MCTP1: variants seen among roughly 807,000 people sequenced by gnomAD.
MCTP1 encodes multiple C2 and transmembrane domain-containing protein 1.
In MCTP1, 69 loss-of-function variants were observed where a neutral mutation model predicts 120.6. The observed-to-expected ratio is 0.57, with a 90% CI of 0.47 to 0.70. The LOEUF is 0.70. MCTP1 is among the 30% of genes least tolerant of loss of function. The probability of loss-of-function intolerance (pLI) is 0.00; values close to 1 mark genes in which losing one functional copy is unlikely to be tolerated. For synonymous variants in MCTP1, 529 were observed against 493.1 expected (o/e 1.07, Z -0.96); for missense variants, 1,203 against 1,248.8 (o/e 0.96, Z 0.55).
chr5:94,878,817 A>T (rs1799455773), intron 12 of MCTP1, among the ~76,000 whole-genome samples: 1 of 151,672 alleles, frequency 6.6e-6, no homozygotes, highest in Non-Finnish European at 1.5e-5. Context: ...TGTATGTTAG[A>T]GAGTGCTACG....
At chr5:95,184,470 G>A (rs897276190) in intron 1 of MCTP1, among the ~76,000 whole-genome samples, 5 of 152,060 alleles carry the variant, frequency 3.3e-5, no homozygotes, top group African/African-American at 9.7e-5. Flanking sequence ...AGACCTAACC[G>A]ACTCCATCTT....
chr5:95,258,357 G>A (rs1363787540), intron 1 of MCTP1, among the ~76,000 whole-genome samples: 1 of 152,126 alleles, frequency 6.6e-6, no homozygotes, highest in Non-Finnish European at 1.5e-5. Flanking sequence ...AAAAACATCA[G>A]ATAAATCCCA....
chr5:95,011,620 C>G (rs1835972583), intron 2 of MCTP1, among the ~76,000 whole-genome samples: 1 of 152,046 alleles, frequency 6.6e-6, no homozygotes, highest in Non-Finnish European at 1.5e-5. Flanking sequence ...CTCACTCTCT[C>G]TCTCTCCAGC....
intron 2 of MCTP1, among the ~76,000 whole-genome samples, chr5:94,970,185 A>G (rs1826482103): frequency 6.6e-6 from 1 of 152,002 alleles, no homozygotes; most frequent in South Asian, 2.1e-4. Flanking sequence ...AAGGCAGTTC[A>G]GGTAACCTTT....
In MCTP1 at chr5:95,190,369, G is replaced by A. The variant is rs149541596; in HGVS notation, c.720+93487C>T. Among the ~76,000 whole-genome samples, 7 of 152,192 alleles carry A rather than the reference G, an allele frequency of 4.6e-5. No individual in the cohort carries two copies. In the East Asian group the frequency reaches 1.3e-3, roughly 29 times the overall value. On this transcript the variant is annotated intron_variant, in intron 1 of 22. Coordinates refer to ENST00000515393, the MANE Select transcript of MCTP1 (RefSeq NM_024717.7). ...AGATGCCTGAGATGCTAAATATAAA[G>A]ACAGCATTTAATTATTCTGAGTCAG... is the stretch of plus-strand genomic sequence containing the variant.
At chr5:94,983,315 G>A (rs1394808692) in intron 2 of MCTP1, among the ~76,000 whole-genome samples, 3 of 152,168 alleles carry the variant, frequency 2.0e-5, no homozygotes, top group Non-Finnish European at 2.9e-5. Flanking sequence ...AATGGTTGTT[G>A]TTTTAAGCTT....
intron 12 of MCTP1, 123 bp downstream of exon 12, chr5:94,888,756 C>A (rs549360244): frequency 8.6e-6 from 5 of 584,056 alleles, no homozygotes; most frequent in African/African-American, 5.6e-5. Flanking sequence ...TAAGATCATC[C>A]CTGAATCTTT....
At chr5:94,982,691 C>T (rs1394601661) in intron 2 of MCTP1, among the ~76,000 whole-genome samples, 1 of 151,834 alleles carries the variant, frequency 6.6e-6, no homozygotes, top group Admixed American at 6.6e-5. Context: ...GAGTTCAAGA[C>T]CAGCCTGGCC....
chr5:94,817,355 C>G (rs1784669768), intron 17 of MCTP1, among the ~76,000 whole-genome samples: 1 of 152,126 alleles, frequency 6.6e-6, no homozygotes. Context: ...TTGCAGTGAG[C>G]CGAGATCGCG....
chr5:95,203,523 A>G (rs1751298873), intron 1 of MCTP1, among the ~76,000 whole-genome samples: 2 of 152,308 alleles, frequency 1.3e-5, no homozygotes, highest in South Asian at 4.1e-4. Flanking sequence ...TTCATGTTGT[A>G]TTATTTTAAC....
At chr5:94,732,140 C>T (rs569504221) in intron 19 of MCTP1, among the ~76,000 whole-genome samples, 1 of 152,186 alleles carries the variant, frequency 6.6e-6, no homozygotes, top group African/African-American at 2.4e-5. Flanking sequence ...TGCTACATTC[C>T]ACAAAGGATT....
At chr5:95,183,493 C>T (rs1748847867) in intron 1 of MCTP1, among the ~76,000 whole-genome samples, 1 of 151,746 alleles carries the variant, frequency 6.6e-6, no homozygotes, top group Non-Finnish European at 1.5e-5. Flanking sequence ...AAAATTAAAA[C>T]TTTTACTTTT....
intron 2 of MCTP1, among the ~76,000 whole-genome samples, chr5:95,008,565 C>T (rs1458999603): frequency 6.6e-6 from 1 of 152,044 alleles, no homozygotes; most frequent in East Asian, 1.9e-4. Context: ...GAATTGTTTC[C>T]TGTAGTGTGT....
chr5:94,763,545 C>T lies in MCTP1; in HGVS notation c.2610+15565G>A, dbSNP rs78033428. 5.9e-3 allele frequency among the ~76,000 whole-genome samples: 897 copies of T among 152,282 alleles called. 5 individuals are homozygous for T. The highest frequency in any genetic ancestry group is 0.021 in the African/African-American group (869 of 41,560). The stretch of plus-strand genomic sequence containing the variant: ...AGCTGGCTACCTTCCTGTTTTCTCA[C>T]CAAAACTATTCATTACTTTATTATA... On this transcript the variant is annotated intron_variant, in intron 19 of 22. Coordinates refer to ENST00000515393, the MANE Select transcript of MCTP1 (RefSeq NM_024717.7).
intron 19 of MCTP1, among the ~76,000 whole-genome samples, chr5:94,768,016 T>C (rs1392060391): frequency 1.3e-5 from 2 of 152,102 alleles, no homozygotes; most frequent in Non-Finnish European, 2.9e-5. Flanking sequence ...CTATAAAGCT[T>C]TAATAACCTA....
intron 1 of MCTP1, among the ~76,000 whole-genome samples, chr5:95,262,256 C>T (rs1161820215): frequency 2.6e-5 from 4 of 152,202 alleles, no homozygotes; most frequent in African/African-American, 4.8e-5. Context: ...TCCACAGACA[C>T]ATTTTTTTGA....
chr5:95,215,569 C>CT (rs1451465996), intron 1 of MCTP1, among the ~76,000 whole-genome samples: 4 of 151,946 alleles, frequency 2.6e-5, no homozygotes, highest in East Asian at 1.9e-4. Context: ...TATTTTCCTC[C>CT]TTTTTTTTCT....
intron 17 of MCTP1, among the ~76,000 whole-genome samples, chr5:94,802,773 A>C (rs1382352397): frequency 6.6e-6 from 1 of 152,220 alleles, no homozygotes; most frequent in African/African-American, 2.4e-5. Context: ...AAAATCTCTA[A>C]TGTATTCACA....
At chr5:95,040,732 A>G (rs1430177764) in intron 1 of MCTP1, among the ~76,000 whole-genome samples, 1 of 152,118 alleles carries the variant, frequency 6.6e-6, no homozygotes, top group Non-Finnish European at 1.5e-5. Context: ...GATCAAGCCA[A>G]TCTAACCCCC....
Sources: gnomAD v4.1 joint callset for allele counts (sites outside exome capture counted in the v4.1 genomes callset) on GRCh38, gnomAD v4.1.1 for gene constraint, MANE v1.5 for transcripts, NCBI Gene and HGNC (gene_info 2026-07-23, HGNC 2026-07-21) for gene names.